TRIM22: variants seen among roughly 807,000 people sequenced by gnomAD.
The protein encoded by TRIM22 is E3 ubiquitin-protein ligase TRIM22.
TRIM22 carries 45 observed loss-of-function variants against 53.6 expected under a neutral mutation model. The ratio of observed to expected loss-of-function variants is 0.84; its 90% confidence interval spans 0.66 to 1.08. The LOEUF (loss-of-function observed/expected upper bound fraction) is 1.08, where lower values mean the gene tolerates loss of function less well. Among genes scored for constraint, TRIM22 ranks in the 50% least tolerant of loss-of-function variants. TRIM22 has a pLI of 0.00. For missense variants in TRIM22, 616 were observed against 590.9 expected, an observed-to-expected ratio of 1.04 and a Z score of -0.44; for synonymous variants, 225 against 216.6, an observed-to-expected ratio of 1.04 and a Z score of -0.34.
intron 4 of TRIM22, among the ~76,000 whole-genome samples, chr11:5,702,245 A>C (rs1213277022): frequency 1.4e-5 from 2 of 144,782 alleles, no homozygotes; most frequent in Non-Finnish European, 3.0e-5. Flanking sequence ...ATATTATATT[A>C]TATATAGTTA....
At chr11:5,699,624 G>C (rs1326868295) in intron 4 of TRIM22, among the ~76,000 whole-genome samples, 2 of 139,354 alleles carry the variant, frequency 1.4e-5, no homozygotes, top group East Asian at 4.7e-4. Context: ...ATTTTCCAAA[G>C]TTGTTACTCA....
chr11:5,693,221 C>T (rs16926648), intron 1 of TRIM22, among the ~76,000 whole-genome samples: 130,107 of 143,822 alleles, frequency 0.9, 59,305 homozygotes, highest in Non-Finnish European at 0.97. Flanking sequence ...ATTTAAATTG[C>T]ACAGATAAAG....
chr11:5,710,633 G>A lies in TRIM22; in HGVS notation c.*985G>A, dbSNP rs1016928866. The stretch of plus-strand genomic sequence containing the variant: ...AATAATTTACTTAATGTATTTTGGT[G>A]TATTTTCCTCAAATTAATATTGGTG... On this transcript the variant is annotated 3_prime_UTR_variant, in exon 8 of 8. Transcript: ENST00000379965. 10 of 152,112 alleles carry A rather than the reference G, an allele frequency of 6.6e-5. No individual in the cohort carries two copies. Among genetic ancestry groups the A allele is most frequent in the African/African-American group, 2.2e-4 (9 of 41,430 alleles). The allele number at this position is 152,112 out of a possible 1,614,324, so 9.4% of individuals were successfully genotyped here. A position where few individuals can be genotyped will look rare whatever the true frequency, so the allele number is the denominator to read the frequency against.
At position 5,709,530 on chromosome 11, in the gene TRIM22, C is replaced by G. The variant is rs371028900; in HGVS notation, c.1379C>G (p.Thr460Arg). The G allele has an allele frequency of 3.9e-5, 63 of 1,614,010 alleles. No homozygotes were observed. Among genetic ancestry groups the G allele is most frequent in the Non-Finnish European group, 1.7e-6 (2 of 1,180,030 alleles). Residue 460 changes from threonine (T) to arginine (R), a missense_variant, in exon 8 of 8, where the codon ACA becomes AGA. Physicochemically the swap from Thr to Arg is moderately conservative, Grantham distance 71. Coordinates refer to ENST00000379965, the MANE Select transcript of TRIM22 (RefSeq NM_006074.5). The part of the protein sequence containing the change: ...EAGIVSFFNV[T>R]NHGALIYKFS... ...GGCATTGTCTCATTTTTCAATGTCACAAACCACGGAGCACTCATCTACAAG... is the reference window on the plus strand; with the variant it reads ...GGCATTGTCTCATTTTTCAATGTCAGAAACCACGGAGCACTCATCTACAAG...
At chr11:5,703,665 A>G (rs4910839) in intron 4 of TRIM22, among the ~76,000 whole-genome samples, 136,199 of 151,996 alleles carry the variant, frequency 0.9, 61,391 homozygotes, top group African/African-American at 0.97. Flanking sequence ...GACTACAGGC[A>G]TGAGCCACCG....
At chr11:5,694,148 A>G (rs1379240756) in intron 1 of TRIM22, among the ~76,000 whole-genome samples, 2 of 152,244 alleles carry the variant, frequency 1.3e-5, no homozygotes, top group African/African-American at 4.8e-5. Flanking sequence ...TTCAAATAAG[A>G]GCACATTCAC....
At chr11:5,708,982 A>G (rs1281808944) in intron 7 of TRIM22, 71 bp from the exon 8 acceptor site, 3 of 1,198,250 alleles carry the variant, frequency 2.5e-6, no homozygotes, top group African/African-American at 3.0e-5. Flanking sequence ...CATTTTCAAT[A>G]TGTCTCTTCT....
chr11:5,701,955 C>T (rs1402617189), intron 4 of TRIM22, among the ~76,000 whole-genome samples: 5 of 151,234 alleles, frequency 3.3e-5, no homozygotes, highest in African/African-American at 1.2e-4. Context: ...CTTTTTTTTC[C>T]CTTCCTCTCT....
At chr11:5,697,413 G>T in intron 3 of TRIM22, 70 bp downstream of exon 3, 1 of 1,101,916 alleles carries the variant, frequency 9.1e-7, no homozygotes, top group Non-Finnish European at 1.3e-6. Flanking sequence ...CTATCACAAG[G>T]AGACCCCTTC....
intron 4 of TRIM22, among the ~76,000 whole-genome samples, chr11:5,704,566 C>T (rs1371610506): frequency 1.3e-5 from 2 of 152,116 alleles, no homozygotes; most frequent in Non-Finnish European, 1.5e-5. Flanking sequence ...CTTTCCCATT[C>T]TGTAGATTGC....
Position 5,709,696 on chromosome 11 carries a change from G to A in TRIM22, c.*48G>A, listed in dbSNP as rs1400931065. On this transcript the variant is annotated 3_prime_UTR_variant, in exon 8 of 8. Coordinates refer to ENST00000379965, the MANE Select transcript of TRIM22 (RefSeq NM_006074.5). ...TTCTGCATAGTAGCCCTTGTGCTGA[G>A]ACTCAGATTCTGCACCTGAGTTCAT... 6.7e-7 allele frequency: 1 copy of A among 1,502,918 alleles called. No individual in the cohort carries two copies. Among genetic ancestry groups the A allele is most frequent in the African/African-American group, 1.4e-5 (1 of 72,488 alleles). The allele number at this position is 1,502,918 out of a possible 1,614,324, so 93.1% of individuals were successfully genotyped here.
intron 3 of TRIM22, chr11:5,697,919 G>A (rs138314107): frequency 0.014 from 2,666 of 187,684 alleles, 78 homozygotes; most frequent in African/African-American, 0.058. Context: ...TAGCCAGGAT[G>A]GTCTCAATCT....
intron 4 of TRIM22, 80 bp downstream of exon 4, chr11:5,698,625 T>TAGGA: frequency 8.6e-7 from 1 of 1,167,316 alleles, no homozygotes; most frequent in Non-Finnish European, 1.2e-6. Context: ...TCCCAGTCTC[T>TAGGA]AGGCTTTCTT....
At chr11:5,696,108 TA>T in intron 1 of TRIM22, 58 bp from the exon 2 acceptor site, 1 of 819,154 alleles carries the variant, frequency 1.2e-6, no homozygotes, top group Non-Finnish European at 1.9e-6. Flanking sequence ...TAAATCTCTG[TA>T]AAAGCAGTAT....
intron 4 of TRIM22, among the ~76,000 whole-genome samples, chr11:5,699,902 T>C (rs1853341633): frequency 6.6e-6 from 1 of 152,002 alleles, no homozygotes; most frequent in African/African-American, 2.4e-5. Context: ...TATTGTAATT[T>C]TTTTTTTATT....
chr11:5,697,524 C>T, intron 3 of TRIM22, 181 bp downstream of exon 3: 1 of 497,268 alleles, frequency 2.0e-6, no homozygotes, highest in Non-Finnish European at 3.6e-6. Flanking sequence ...GTAGACATAT[C>T]ATAAATCAAC....
At chr11:5,705,664 G>T (rs1248509659) in intron 4 of TRIM22, among the ~76,000 whole-genome samples, 3 of 152,122 alleles carry the variant, frequency 2.0e-5, no homozygotes, top group Admixed American at 1.3e-4. Context: ...GGAAATAATG[G>T]TTATGGTGAG....
At chr11:5,697,749 G>A in intron 3 of TRIM22, 1 of 177,988 alleles carries the variant, frequency 5.6e-6, no homozygotes, top group Non-Finnish European at 1.2e-5. Context: ...TGTCATACAG[G>A]CTGGAGTGTA....
Position 5,709,294 on chromosome 11 carries a change from G to A in TRIM22, c.1143G>A (p.Arg381=). 6.2e-7 allele frequency: 1 copy of A among 1,613,982 alleles called. No homozygotes were observed. The highest frequency in any genetic ancestry group is 8.5e-7 in the Non-Finnish European group (1 of 1,179,972). ...VHSKISSLNK[R]KSSGFAFDPS... Reference sequence around the variant, plus strand: ...GTAAAATAAGTAGTCTGAATAAAAGGAAGAGCTCTGGGTTTGCTTTTGATC... The same window carrying A: ...GTAAAATAAGTAGTCTGAATAAAAGAAAGAGCTCTGGGTTTGCTTTTGATC... Residue 381 remains arginine, a synonymous_variant, in exon 8 of 8, where the codon AGG becomes AGA. Transcript: ENST00000379965.
Sources: gnomAD v4.1 joint callset for allele counts (sites outside exome capture counted in the v4.1 genomes callset) on GRCh38, gnomAD v4.1.1 for gene constraint, MANE v1.5 for transcripts, NCBI Gene and HGNC (gene_info 2026-07-23, HGNC 2026-07-21) for gene names.